Variants in ATP2C1 observed in about 807,000 individuals in gnomAD.
ATP2C1 encodes ATPase secretory pathway Ca2+ transporting 1, also known as calcium-transporting ATPase type 2C member 1.
Under a neutral mutation model 120.5 loss-of-function variants are expected in ATP2C1, and 31 were observed. The ratio of observed to expected loss-of-function variants is 0.26; its 90% CI spans 0.19 to 0.35. ATP2C1 has a LOEUF of 0.35. Among genes scored for constraint, ATP2C1 ranks in the 10% least tolerant of loss-of-function variants. The pLI is 1.00. For missense variants in ATP2C1, 731 were observed against 1,107.5 expected (o/e 0.66, Z 4.83); for synonymous variants, 351 against 358.7 (o/e 0.98, Z 0.24).
At chr3:130,902,677 G>T (rs766712516) in intron 2 of ATP2C1, among the ~76,000 whole-genome samples, 1 of 151,700 alleles carries the variant, frequency 6.6e-6, no homozygotes, top group Non-Finnish European at 1.5e-5. Flanking sequence ...TATGTCTATT[G>T]CCTTTTTCCT....
chr3:130,924,281 C>T (rs752176772), intron 2 of ATP2C1, among the ~76,000 whole-genome samples: 1 of 151,960 alleles, frequency 6.6e-6, no homozygotes, highest in Admixed American at 6.6e-5. Flanking sequence ...GTGGCAAATT[C>T]TCCCAGCATT....
chr3:130,909,969 G>A (rs1309055804), intron 2 of ATP2C1, among the ~76,000 whole-genome samples: 1 of 152,080 alleles, frequency 6.6e-6, no homozygotes, highest in Non-Finnish European at 1.5e-5. Flanking sequence ...GCCTCTTAAA[G>A]TGCTGCGATT....
intron 12 of ATP2C1, among the ~76,000 whole-genome samples, chr3:130,959,984 A>C (rs915441800): frequency 2.0e-5 from 3 of 152,154 alleles, no homozygotes; most frequent in Non-Finnish European, 2.9e-5. Flanking sequence ...ATTACATAAG[A>C]TATGACACAC....
In ATP2C1 at chr3:130,850,898, G is replaced by C. The variant is rs897566433; in HGVS notation, c.78G>C (p.Ser26=). The change falls in exon 1 of 27, where the codon TCG becomes TCC. Residue 26 remains serine, a synonymous_variant. Coordinates refer to the ATP2C1 transcript ENST00000504381. Reference sequence around the variant, plus strand: ...TCCATGCAATTAGGAGATATTTATCGACGCTGAGAAACCAAAGAGCCGAAG... The same window carrying C: ...TCCATGCAATTAGGAGATATTTATCCACGCTGAGAAACCAAAGAGCCGAAG... 3.5e-6 allele frequency: 5 copies of C among 1,420,278 alleles called. No individual in the cohort carries two copies. The Admixed American group carries it at 1.5e-4, about 43-fold the overall frequency. 88.0% of individuals were successfully genotyped at this position (1,420,278 alleles called of 1,614,324 possible). A position where few individuals can be genotyped will look rare whatever the true frequency, so the allele number is the denominator to read the frequency against.
chr3:130,910,293 A>G (rs1265573780), intron 2 of ATP2C1, among the ~76,000 whole-genome samples: 1 of 149,976 alleles, frequency 6.7e-6, no homozygotes, highest in Admixed American at 6.7e-5. Flanking sequence ...TTGTACATTG[A>G]TTTTGTATCC....
At chr3:130,964,627 T>C (rs1257598763) in intron 13 of ATP2C1, among the ~76,000 whole-genome samples, 1 of 151,948 alleles carries the variant, frequency 6.6e-6, no homozygotes, top group African/African-American at 2.4e-5. Context: ...ATTATACGGG[T>C]TTATATTTAG....
At chr3:130,994,217 A>G (rs1337138568) in intron 22 of ATP2C1, 119 bp downstream of exon 22, 2 of 1,159,288 alleles carry the variant, frequency 1.7e-6, no homozygotes, top group African/African-American at 3.1e-5. Flanking sequence ...AAACTAAACC[A>G]CTTTTCTAGG....
At chr3:130,871,380 G>C (rs2068423269) in intron 1 of ATP2C1, among the ~76,000 whole-genome samples, 1 of 152,206 alleles carries the variant, frequency 6.6e-6, no homozygotes, top group Non-Finnish European at 1.5e-5. Context: ...GCATGCATTG[G>C]AATCACCTAA....
At chr3:130,922,472 A>G (rs2059013640) in intron 2 of ATP2C1, among the ~76,000 whole-genome samples, 1 of 150,474 alleles carries the variant, frequency 6.6e-6, no homozygotes, top group African/African-American at 2.5e-5. Context: ...TTCTGCTCTG[A>G]TCTTTGTTAC....
intron 1 of ATP2C1, among the ~76,000 whole-genome samples, chr3:130,869,634 G>A (rs571366033): frequency 3.9e-4 from 59 of 152,268 alleles, no homozygotes; most frequent in Middle Eastern, 3.4e-3. Context: ...TTTTGCTAAT[G>A]TGCAGGAAGT....
At chr3:130,904,464 T>G (rs1439417291) in intron 2 of ATP2C1, among the ~76,000 whole-genome samples, 2 of 152,070 alleles carry the variant, frequency 1.3e-5, no homozygotes, top group African/African-American at 4.8e-5. Flanking sequence ...TTAGCATGTC[T>G]TATGATGGGT....
chr3:130,980,263 T>C (rs900057361), intron 19 of ATP2C1, among the ~76,000 whole-genome samples: 1 of 151,112 alleles, frequency 6.6e-6, no homozygotes, highest in Non-Finnish European at 1.5e-5. Context: ...TTTTTTTTTT[T>C]CCTGTAGAGA....
intron 8 of ATP2C1, among the ~76,000 whole-genome samples, chr3:130,952,885 A>C (rs1366121659): frequency 6.6e-6 from 1 of 152,166 alleles, no homozygotes; most frequent in East Asian, 1.9e-4. Flanking sequence ...AAGGACTCTT[A>C]ACTTCTAACA....
chr3:130,893,164 C>T (rs2069249644), upstream of ATP2C1, among the ~76,000 whole-genome samples: 1 of 152,114 alleles, frequency 6.6e-6, no homozygotes, highest in South Asian at 2.1e-4. Context: ...CATTAAAAAG[C>T]ACTTATTAGG....
chr3:130,869,916 G>A (rs900941118), intron 1 of ATP2C1, among the ~76,000 whole-genome samples: 38 of 152,184 alleles, frequency 2.5e-4, no homozygotes, highest in Non-Finnish European at 5.6e-4. Flanking sequence ...CATTGATGAA[G>A]GTGGCTATAC....
Position 130,874,624 on chromosome 3 carries a change from A to G in ATP2C1, c.108+23696A>G, listed in dbSNP as rs535201172. On this transcript the variant is annotated intron_variant, in intron 1 of 26. Transcript: ENST00000504381. ...TTCATTTATTATCTCACATTAGAGG[A>G]AGTCTAGTGGTAGGGCAGGCCCCAG... is the stretch of plus-strand genomic sequence containing the variant. 1.4e-4 allele frequency among the ~76,000 whole-genome samples: 21 copies of G among 152,264 alleles called. No individual in the cohort carries two copies. In the South Asian group the frequency reaches 4.4e-3, roughly 32 times the overall value.
intron 17 of ATP2C1, among the ~76,000 whole-genome samples, chr3:130,971,291 G>A (rs1018727989): frequency 1.3e-5 from 2 of 152,142 alleles, no homozygotes; most frequent in Non-Finnish European, 2.9e-5. Context: ...TCTTAGTTGT[G>A]GGAGTGGGGG....
intron 1 of ATP2C1, among the ~76,000 whole-genome samples, chr3:130,874,482 A>G (rs1333015803): frequency 1.3e-5 from 2 of 152,174 alleles, no homozygotes; most frequent in African/African-American, 4.8e-5. Context: ...TATACTCTTC[A>G]CTTTTATAGG....
chr3:130,996,872 AT>A, intron 24 of ATP2C1, 76 bp downstream of exon 24: 2 of 1,024,078 alleles, frequency 2.0e-6, no homozygotes, highest in East Asian at 2.4e-5. Flanking sequence ...TTAAAACTTG[AT>A]TTATGGACAG....
Sources: gnomAD v4.1 joint callset for allele counts (sites outside exome capture counted in the v4.1 genomes callset) on GRCh38, gnomAD v4.1.1 for gene constraint, MANE v1.5 for transcripts, NCBI Gene and HGNC (gene_info 2026-07-23, HGNC 2026-07-21) for gene names.